GPC3: variants seen among roughly 807,000 people sequenced by gnomAD.
GPC3 encodes glypican-3.
GPC3 carries 3 observed loss-of-function variants against 34.4 expected under a neutral mutation model. That is an observed-to-expected ratio of 0.09 (90% CI 0.04 to 0.23). The LOEUF is 0.23. Among genes scored for constraint, GPC3 ranks in the 10% least tolerant of loss-of-function variants. The pLI, the probability that GPC3 is intolerant of heterozygous loss-of-function variation, is 1.00. For missense variants in GPC3, 351 were observed against 445.6 expected (o/e 0.79, Z 1.91); for synonymous variants, 177 against 174.0 (o/e 1.02, Z -0.13).
chrX:133,841,460 T>C (rs1289674090), intron 2 of GPC3, among the ~76,000 whole-genome samples: 1 of 109,274 alleles, frequency 9.2e-6, no homozygotes, highest in Non-Finnish European at 1.9e-5. Context: ...CATAAATAGA[T>C]TCATTCAGTA....
chrX:133,568,401 C>A (rs2069599507), intron 7 of GPC3, among the ~76,000 whole-genome samples: 1 of 112,123 alleles, frequency 8.9e-6, no homozygotes. Context: ...AGGACAGCTA[C>A]AATTGAGAGC....
At chrX:133,964,810 T>C (rs1005886486) in intron 1 of GPC3, among the ~76,000 whole-genome samples, 2 of 111,892 alleles carry the variant, frequency 1.8e-5, no homozygotes, top group African/African-American at 6.5e-5. Context: ...CTTCTTCTGA[T>C]CCAGTGACTT....
intron 2 of GPC3, among the ~76,000 whole-genome samples, chrX:133,771,121 C>G (rs892646388): frequency 8.9e-6 from 1 of 112,014 alleles, no homozygotes; most frequent in Non-Finnish European, 1.9e-5. Flanking sequence ...TCAAAGGAAA[C>G]AGCACCTGAA....
intron 6 of GPC3, among the ~76,000 whole-genome samples, chrX:133,657,713 A>G (rs1485545033): frequency 9.0e-6 from 1 of 111,331 alleles, no homozygotes; most frequent in Non-Finnish European, 1.9e-5. Context: ...GGGACTATCA[A>G]TATGAAAATA....
intron 3 of GPC3, among the ~76,000 whole-genome samples, chrX:133,710,901 C>T (rs941686825): frequency 1.3e-4 from 15 of 112,112 alleles, no homozygotes; most frequent in African/African-American, 4.9e-4. Context: ...CTTTGCAGCA[C>T]CAGGAGTTCA....
intron 2 of GPC3, among the ~76,000 whole-genome samples, chrX:133,772,946 T>A (rs2071938593): frequency 9.0e-6 from 1 of 111,635 alleles, no homozygotes; most frequent in African/African-American, 3.3e-5. Context: ...ATGCCTGATA[T>A]GGGAGACTAG....
At chrX:133,979,528 T>G (rs191793244) in intron 1 of GPC3, among the ~76,000 whole-genome samples, 2 of 112,085 alleles carry the variant, frequency 1.8e-5, no homozygotes, top group East Asian at 5.6e-4. Flanking sequence ...CTTTGTATAT[T>G]CAACAAGATA....
At chrX:133,830,678 C>CAAA (rs1174232524) in intron 2 of GPC3, among the ~76,000 whole-genome samples, 2 of 13,433 alleles carry the variant, frequency 1.5e-4, no homozygotes, top group African/African-American at 1.3e-4. Context: ...GACTCCATCT[C>CAAA]AAAAAAAAAA....
chrX:133,760,881 A>G (rs2071782053), intron 2 of GPC3, among the ~76,000 whole-genome samples: 2 of 111,792 alleles, frequency 1.8e-5, no homozygotes, highest in African/African-American at 6.5e-5. Context: ...TGCAGGGAAG[A>G]GGGAGTACAC....
At chrX:133,918,186 A>T (rs369843829) in intron 2 of GPC3, among the ~76,000 whole-genome samples, 1 of 112,432 alleles carries the variant, frequency 8.9e-6, no homozygotes, top group South Asian at 3.7e-4. Context: ...TTTTATGACT[A>T]CTTAAGCAGG....
intron 7 of GPC3, among the ~76,000 whole-genome samples, chrX:133,540,951 T>C (rs1255176429): frequency 1.7e-4 from 18 of 105,451 alleles, no homozygotes; most frequent in African/African-American, 6.2e-4. Flanking sequence ...TGTGTGTGTG[T>C]GTGTGCGCGC....
At chrX:133,768,987 G>A (rs771494626) in intron 2 of GPC3, among the ~76,000 whole-genome samples, 3 of 110,843 alleles carry the variant, frequency 2.7e-5, no homozygotes, top group African/African-American at 6.6e-5. Flanking sequence ...AATGTTACAC[G>A]CACATATGCA....
intron 7 of GPC3, among the ~76,000 whole-genome samples, chrX:133,549,320 T>C (rs150463830): frequency 1.2e-3 from 132 of 111,908 alleles, no homozygotes; most frequent in African/African-American, 4.2e-3. Flanking sequence ...CTGTGATAGC[T>C]GGAACCAGAG....
chrX:133,759,895 A>G (rs770467938), intron 2 of GPC3, among the ~76,000 whole-genome samples: 1 of 111,802 alleles, frequency 8.9e-6, no homozygotes, highest in African/African-American at 3.2e-5. Context: ...CATGTCTGAT[A>G]AAGGCCTTGT....
chrX:133,774,788 G>A (rs778810506), intron 2 of GPC3, among the ~76,000 whole-genome samples: 1 of 111,410 alleles, frequency 9.0e-6, no homozygotes, highest in South Asian at 3.8e-4. Context: ...CATGAAGCTG[G>A]GGAGTGGTGG....
chrX:133,856,381 C>T (rs905476996), intron 2 of GPC3, among the ~76,000 whole-genome samples: 6 of 109,910 alleles, frequency 5.5e-5, no homozygotes, highest in African/African-American at 2.0e-4. Context: ...ATGTTGAGTA[C>T]CTTTCATATA....
At chrX:133,857,511 G>C (rs1346925090) in intron 2 of GPC3, among the ~76,000 whole-genome samples, 1 of 111,680 alleles carries the variant, frequency 9.0e-6, no homozygotes, top group East Asian at 2.8e-4. Context: ...CCTGCCAGAG[G>C]CCTGGGGAGC....
chrX:133,786,327 G>A (rs781179952), intron 2 of GPC3, among the ~76,000 whole-genome samples: 3 of 112,202 alleles, frequency 2.7e-5, no homozygotes, highest in South Asian at 7.5e-4. Flanking sequence ...TCTGGGAGGC[G>A]GAGGTTGCAG....
intron 6 of GPC3, among the ~76,000 whole-genome samples, chrX:133,613,055 C>T (rs940997180): frequency 1.1e-4 from 12 of 111,087 alleles, no homozygotes; most frequent in African/African-American, 3.9e-4. Context: ...AACTTTAACT[C>T]AAATTCCCTG....
Sources: gnomAD v4.1 joint callset for allele counts (sites outside exome capture counted in the v4.1 genomes callset) on GRCh38, gnomAD v4.1.1 for gene constraint, MANE v1.5 for transcripts, NCBI Gene and HGNC (gene_info 2026-07-23, HGNC 2026-07-21) for gene names.